SLC41A2: variants seen among roughly 807,000 people sequenced by gnomAD.
SLC41A2 encodes the protein SLC41A1-like 1.
SLC41A2 carries 32 observed loss-of-function variants against 58.3 expected under a neutral mutation model. That is an observed-to-expected ratio of 0.55 (90% CI 0.41 to 0.74). The LOEUF is 0.74. Among genes scored for constraint, SLC41A2 ranks in the 30% least tolerant of loss-of-function variants. The probability of loss-of-function intolerance (pLI) is 0.00; values close to 1 mark genes in which losing one functional copy is unlikely to be tolerated. For synonymous variants in SLC41A2, 190 were observed against 235.0 expected, an observed-to-expected ratio of 0.81 and a Z score of 1.75; for missense variants, 514 against 680.6, an observed-to-expected ratio of 0.76 and a Z score of 2.72.
Position 104,853,915 on chromosome 12 carries a change from T to TA in SLC41A2, c.1255+7375_1255+7376insT, listed in dbSNP as rs1565842625. Among the ~76,000 whole-genome samples the TA allele has an allele frequency of 7.8e-4, 97 of 125,044 alleles. 11 individuals carry two copies. The highest frequency in any genetic ancestry group is 4.0e-4 in the Non-Finnish European group (24 of 60,638). 82.0% of individuals were successfully genotyped at this position (125,044 alleles called of 152,430 possible). A position where few individuals can be genotyped will look rare whatever the true frequency, so the allele number is the denominator to read the frequency against. On this transcript the variant is annotated intron_variant, in intron 8 of 10. Coordinates refer to ENST00000258538, the MANE Select transcript of SLC41A2 (RefSeq NM_001352171.3). ...GCATGTCACCATGCCTGGCTGATTT[T>TA]TTTTTTTTTTTTTTTTTTTTTTTTA...
intron 3 of SLC41A2, among the ~76,000 whole-genome samples, chr12:104,908,722 T>C (rs1387048384): frequency 6.6e-6 from 1 of 152,230 alleles, no homozygotes; most frequent in Non-Finnish European, 1.5e-5. Flanking sequence ...AACAATGTCC[T>C]TTTGAGCTTC....
chr12:104,860,595 T>A (rs976991704), intron 8 of SLC41A2, among the ~76,000 whole-genome samples: 1 of 149,988 alleles, frequency 6.7e-6, no homozygotes, highest in Non-Finnish European at 1.5e-5. Flanking sequence ...TTTCTTTTAT[T>A]TTTTTTTAAG....
Position 104,873,433 on chromosome 12 carries a change from G to A in SLC41A2, c.1028-6854C>T, listed in dbSNP as rs142185649. 3.0e-4 allele frequency among the ~76,000 whole-genome samples: 45 copies of A among 152,174 alleles called. No homozygotes were observed. In the East Asian group the frequency reaches 7.1e-3, roughly 24 times the overall value. On this transcript the variant is annotated intron_variant, in intron 6 of 10. Coordinates refer to ENST00000258538, the MANE Select transcript of SLC41A2 (RefSeq NM_001352171.3). ...ATTTTATTATTTACTCATCCATCAG[G>A]AACATTTAGGTTGTTTCCATATCTA...
intron 7 of SLC41A2, among the ~76,000 whole-genome samples, chr12:104,865,050 G>A (rs2043368596): frequency 6.6e-6 from 1 of 152,104 alleles, no homozygotes; most frequent in Admixed American, 6.6e-5. Flanking sequence ...GTCAGCAAGT[G>A]GGACTCATGG....
intron 10 of SLC41A2, among the ~76,000 whole-genome samples, chr12:104,815,447 AATAT>A (rs1465903852): frequency 1.3e-5 from 2 of 152,176 alleles, no homozygotes; most frequent in Non-Finnish European, 2.9e-5. Context: ...AATTTAAATA[AATAT>A]ATAAAGTACA....
At chr12:104,873,474 T>C (rs1408765089) in intron 6 of SLC41A2, among the ~76,000 whole-genome samples, 1 of 152,238 alleles carries the variant, frequency 6.6e-6, no homozygotes, top group Non-Finnish European at 1.5e-5. Flanking sequence ...CCGTAAATAA[T>C]GCTGCAATGG....
At chr12:104,820,316 A>G (rs2041576474) in intron 10 of SLC41A2, among the ~76,000 whole-genome samples, 1 of 152,166 alleles carries the variant, frequency 6.6e-6, no homozygotes, top group Admixed American at 6.5e-5. Flanking sequence ...AAAATAAAAA[A>G]GCCAGGCATG....
chr12:104,902,917 G>A (rs1220839926), intron 3 of SLC41A2, among the ~76,000 whole-genome samples: 1 of 152,158 alleles, frequency 6.6e-6, no homozygotes, highest in African/African-American at 2.4e-5. Flanking sequence ...CAGCAAACTT[G>A]AGATCTAGTT....
intron 8 of SLC41A2, among the ~76,000 whole-genome samples, chr12:104,851,081 A>AGGATGCT (rs1238978035): frequency 6.6e-6 from 1 of 152,218 alleles, no homozygotes; most frequent in African/African-American, 2.4e-5. Flanking sequence ...CTATCTCATA[A>AGGATGCT]GGATGCTGAG....
intron 10 of SLC41A2, among the ~76,000 whole-genome samples, chr12:104,820,826 G>T (rs548835999): frequency 6.6e-6 from 1 of 152,202 alleles, no homozygotes; most frequent in Non-Finnish European, 1.5e-5. Context: ...CGTATTTTTA[G>T]TTGAGACGGG....
chr12:104,854,058 C>T (rs1211667570), intron 8 of SLC41A2, among the ~76,000 whole-genome samples: 3 of 151,350 alleles, frequency 2.0e-5, no homozygotes, highest in Admixed American at 6.6e-5. Flanking sequence ...GCGTGCTCAG[C>T]CTAGATTATA....
At chr12:104,834,265 C>T (rs1187630845) in intron 10 of SLC41A2, 2 of 792,810 alleles carry the variant, frequency 2.5e-6, no homozygotes, top group Non-Finnish European at 3.1e-6. Flanking sequence ...CATAATCACA[C>T]ATAACAAAAA....
At chr12:104,815,312 C>T (rs996594817) in intron 10 of SLC41A2, among the ~76,000 whole-genome samples, 3 of 152,174 alleles carry the variant, frequency 2.0e-5, no homozygotes, top group African/African-American at 7.2e-5. Context: ...CAAGGGTAGA[C>T]TGTGTTTTTA....
chr12:104,866,407 C>T, intron 7 of SLC41A2, 25 bp downstream of exon 7: 1 of 1,596,238 alleles, frequency 6.3e-7, no homozygotes, highest in Non-Finnish European at 8.5e-7. Context: ...CACACACACA[C>T]ACACACACAT....
At chr12:104,921,387 A>C (rs1276686192) in intron 2 of SLC41A2, among the ~76,000 whole-genome samples, 1 of 152,116 alleles carries the variant, frequency 6.6e-6, no homozygotes, top group Admixed American at 6.5e-5. Flanking sequence ...AGAGAAAAAG[A>C]AGAAATAACA....
At chr12:104,812,898 G>A (rs977617893) in intron 10 of SLC41A2, among the ~76,000 whole-genome samples, 1 of 152,102 alleles carries the variant, frequency 6.6e-6, no homozygotes, top group African/African-American at 2.4e-5. Flanking sequence ...AAAAATTCAG[G>A]CCAGGCATGG....
intron 10 of SLC41A2, among the ~76,000 whole-genome samples, chr12:104,815,158 T>A (rs1184484612): frequency 6.6e-6 from 1 of 152,238 alleles, no homozygotes; most frequent in African/African-American, 2.4e-5. Context: ...AAAAGATATC[T>A]GTTTCCTTGG....
intron 10 of SLC41A2, among the ~76,000 whole-genome samples, chr12:104,828,196 T>C (rs2468340): frequency 0.75 from 113,494 of 152,116 alleles, 42,960 homozygotes; most frequent in African/African-American, 0.88. Context: ...ACCGGCATGC[T>C]GGCAGGCCAT....
At chr12:104,883,221 T>C (rs2044476385) in intron 6 of SLC41A2, among the ~76,000 whole-genome samples, 4 of 152,206 alleles carry the variant, frequency 2.6e-5, no homozygotes, top group African/African-American at 7.2e-5. Flanking sequence ...GCCATTCATC[T>C]AGTCTTTTTT....
Sources: gnomAD v4.1 joint callset for allele counts (sites outside exome capture counted in the v4.1 genomes callset) on GRCh38, gnomAD v4.1.1 for gene constraint, MANE v1.5 for transcripts, NCBI Gene and HGNC (gene_info 2026-07-23, HGNC 2026-07-21) for gene names.